Variants in PHLPP1 observed in about 807,000 individuals in gnomAD.
The protein encoded by PHLPP1 is PH domain and leucine rich repeat protein phosphatase 1, also known as PH domain leucine-rich repeat-containing protein phosphatase 1.
Under a neutral mutation model 117.2 loss-of-function variants are expected in PHLPP1, and 42 were observed. The observed-to-expected ratio is 0.36, with a 90% CI of 0.28 to 0.46. The LOEUF is 0.46. Ranked by LOEUF, PHLPP1 falls within the 20% of genes least tolerant of loss-of-function variation. PHLPP1 has a pLI of 1.00. For missense variants in PHLPP1, 2,084 were observed against 2,241.9 expected, an observed-to-expected ratio of 0.93 and a Z score of 1.42; for synonymous variants, 1,042 against 970.7, an observed-to-expected ratio of 1.07 and a Z score of -1.37.
chr18:62,752,673 T>C (rs1911896171), intron 1 of PHLPP1, among the ~76,000 whole-genome samples: 1 of 152,246 alleles, frequency 6.6e-6, no homozygotes, highest in Admixed American at 6.5e-5. Context: ...CAAGGGAAGC[T>C]TGATCTTGTT....
chr18:62,907,624 C>T (rs10432261), intron 8 of PHLPP1, among the ~76,000 whole-genome samples: 5 of 120,168 alleles, frequency 4.2e-5, no homozygotes, highest in Admixed American at 2.7e-4. Context: ...ATGAGCAAAG[C>T]CTCCAAGAAA....
At chr18:62,894,457 A>G (rs1297514752) in intron 4 of PHLPP1, among the ~76,000 whole-genome samples, 2 of 152,122 alleles carry the variant, frequency 1.3e-5, no homozygotes, top group Non-Finnish European at 2.9e-5. Flanking sequence ...TCGGCTTCTC[A>G]AAGTGCTAGG....
intron 1 of PHLPP1, among the ~76,000 whole-genome samples, chr18:62,771,320 C>G (rs1358349837): frequency 6.6e-6 from 1 of 151,908 alleles, no homozygotes; most frequent in Non-Finnish European, 1.5e-5. Flanking sequence ...AATGTATATG[C>G]TACCATTAAG....
At chr18:62,744,661 G>A (rs901245705) in intron 1 of PHLPP1, among the ~76,000 whole-genome samples, 1 of 152,170 alleles carries the variant, frequency 6.6e-6, no homozygotes, top group Non-Finnish European at 1.5e-5. Context: ...TGATAATGAA[G>A]GCATAGGAAG....
At chr18:62,754,318 G>A (rs1400277953) in intron 1 of PHLPP1, among the ~76,000 whole-genome samples, 2 of 152,204 alleles carry the variant, frequency 1.3e-5, no homozygotes, top group South Asian at 2.1e-4. Flanking sequence ...TAGCAGTAGG[G>A]CATGTCTGTG....
At chr18:62,905,334 A>G (rs1325063527) in intron 8 of PHLPP1, 50 bp downstream of exon 8, 1 of 980,810 alleles carries the variant, frequency 1.0e-6, no homozygotes, top group Non-Finnish European at 1.4e-6. Flanking sequence ...AAAATTATTT[A>G]GTAATTCTGT....
At chr18:62,973,032 T>C (rs1911096923) in intron 15 of PHLPP1, among the ~76,000 whole-genome samples, 1 of 152,226 alleles carries the variant, frequency 6.6e-6, no homozygotes, top group African/African-American at 2.4e-5. Context: ...CCAAATCATG[T>C]GAGCTGTAGG....
intron 3 of PHLPP1, among the ~76,000 whole-genome samples, chr18:62,858,532 G>A (rs1203642199): frequency 2.0e-5 from 3 of 151,994 alleles, no homozygotes; most frequent in African/African-American, 7.2e-5. Context: ...CAAAGTGCTG[G>A]GATTACAGAT....
At chr18:62,803,775 T>G (rs1450016074) in intron 1 of PHLPP1, among the ~76,000 whole-genome samples, 1 of 152,220 alleles carries the variant, frequency 6.6e-6, no homozygotes, top group East Asian at 1.9e-4. Context: ...TGCAAACAAT[T>G]GTAAAGAGAT....
intron 4 of PHLPP1, among the ~76,000 whole-genome samples, chr18:62,874,679 AC>A (rs1916000376): frequency 6.6e-6 from 1 of 151,240 alleles, no homozygotes; most frequent in Non-Finnish European, 1.5e-5. Flanking sequence ...ACACACACAC[AC>A]ACACACACAC....
intron 1 of PHLPP1, among the ~76,000 whole-genome samples, chr18:62,822,280 GTT>G (rs796719016): frequency 9.4e-5 from 9 of 95,982 alleles, no homozygotes; most frequent in African/African-American, 4.2e-4. Context: ...TTTTTTTTTT[GTT>G]TTTGTTTTTT....
At chr18:62,916,589 C>A (rs1909282265) in intron 9 of PHLPP1, among the ~76,000 whole-genome samples, 1 of 137,546 alleles carries the variant, frequency 7.3e-6, no homozygotes, top group African/African-American at 2.8e-5. Flanking sequence ...CAGCCATCAC[C>A]ATTAACAAGA....
chr18:62,858,230 T>A (rs1599086511), intron 3 of PHLPP1, among the ~76,000 whole-genome samples: 1 of 152,076 alleles, frequency 6.6e-6, no homozygotes, highest in South Asian at 2.1e-4. Context: ...CACAGTAGTT[T>A]CTCCTAAGCT....
intron 1 of PHLPP1, among the ~76,000 whole-genome samples, chr18:62,815,584 C>T (rs1914249558): frequency 6.6e-6 from 1 of 152,168 alleles, no homozygotes; most frequent in African/African-American, 2.4e-5. Flanking sequence ...TATGAGTATC[C>T]TCACGACAGG....
chr18:62,972,915 A>G (rs1307163054), intron 15 of PHLPP1, among the ~76,000 whole-genome samples: 1 of 152,242 alleles, frequency 6.6e-6, no homozygotes, highest in African/African-American at 2.4e-5. Context: ...ACAACTTTGT[A>G]GAAGGCTCAG....
intron 2 of PHLPP1, among the ~76,000 whole-genome samples, chr18:62,836,774 C>CTA (rs1958655238): frequency 6.6e-6 from 1 of 150,872 alleles, no homozygotes; most frequent in Admixed American, 6.6e-5. Context: ...TTTTAAATGG[C>CTA]TATATAGGGG....
intron 1 of PHLPP1, among the ~76,000 whole-genome samples, chr18:62,735,780 G>C (rs1277233757): frequency 6.6e-6 from 1 of 152,074 alleles, no homozygotes; most frequent in Admixed American, 6.6e-5. Context: ...TTATCTTTTA[G>C]AAACGTATGT....
chr18:62,901,108 A>G (rs1012609103), intron 6 of PHLPP1, among the ~76,000 whole-genome samples: 1 of 152,108 alleles, frequency 6.6e-6, no homozygotes, highest in African/African-American at 2.4e-5. Flanking sequence ...TATTAATTCA[A>G]TGCTTATTAT....
intron 1 of PHLPP1, among the ~76,000 whole-genome samples, chr18:62,819,523 C>T (rs1017096025): frequency 3.9e-5 from 6 of 152,254 alleles, no homozygotes; most frequent in African/African-American, 1.4e-4. Flanking sequence ...TCAATTCAAA[C>T]ACATCTATAT....
Sources: allele counts gnomAD v4.1 joint callset (sites outside exome capture counted in the v4.1 genomes callset), GRCh38; gene constraint gnomAD v4.1.1; transcripts MANE v1.5; gene names NCBI Gene and HGNC (gene_info 2026-07-23, HGNC 2026-07-21).